The following SMG6 variants were observed in gnomAD, a reference collection of about 807,000 sequenced individuals.
SMG6 encodes telomerase-binding protein EST1A.
In SMG6, 66 loss-of-function variants were observed where a neutral mutation model predicts 142.2. That is an observed-to-expected ratio of 0.46 (90% CI 0.38 to 0.57). The LOEUF (loss-of-function observed/expected upper bound fraction) is 0.57. Ranked by LOEUF, SMG6 falls within the 20% of genes least tolerant of loss-of-function variation. The probability of loss-of-function intolerance (pLI) is 0.00; values close to 1 mark genes in which losing one functional copy is unlikely to be tolerated. For synonymous variants in SMG6, 779 were observed against 702.4 expected, an observed-to-expected ratio of 1.11 and a Z score of -1.72; for missense variants, 1,793 against 1,832.0, an observed-to-expected ratio of 0.98 and a Z score of 0.39.
chr17:2,297,869 C>T lies in SMG6; in HGVS notation c.2034G>A (p.Leu678=). The T allele has an allele frequency of 6.2e-7, 1 of 1,609,834 alleles. No homozygotes were observed. Among genetic ancestry groups the T allele is most frequent in the Non-Finnish European group, 8.5e-7 (1 of 1,179,932 alleles). Residue 678 remains leucine (L), a synonymous_variant, in exon 3 of 19, where the codon TTG becomes TTA. Transcript: ENST00000263073. ...EQIRNRLLEL[L]DEGSDFFDSL... ...CAAAAAGATGACAGTTTACCTCATC[C>T]AAGAGCTCCAAAAGTCTGTTCCGAA... is the stretch of plus-strand genomic sequence containing the variant.
At chr17:2,087,289 C>A in intron 13 of SMG6, 4 of 1,267,116 alleles carry the variant, frequency 3.2e-6, no homozygotes, top group Non-Finnish European at 4.1e-6. Context: ...GCAGGCATGA[C>A]CCATGTTCTC....
Position 2,299,094 on chromosome 17 carries a change from C to A in SMG6, c.1659G>T (p.Gln553His), listed in dbSNP as rs766076562. The A allele has an allele frequency of 6.2e-7, 1 of 1,614,072 alleles. No homozygotes were observed. Among genetic ancestry groups the A allele is most frequent in the Non-Finnish European group, 8.5e-7 (1 of 1,180,036 alleles). ...TGGTAGGTAGAGGGCTACACACATA[C>A]TGTCCTGACGGAGTCGGGTAGCCTG... ...YYPGYPTPSG[Q>H]YVCSPLPTST... Residue 553 changes from glutamine to histidine, a missense_variant, in exon 2 of 19, where the codon CAG (glutamine) becomes CAT (histidine). Coordinates refer to ENST00000263073, the MANE Select transcript of SMG6 (RefSeq NM_017575.5). This position sits in a 1 kb window ranked among gnomAD's most constrained non-coding sequence, Gnocchi z 4.3.
chr17:2,173,664 G>T (rs538364005), intron 12 of SMG6, among the ~76,000 whole-genome samples: 2 of 152,222 alleles, frequency 1.3e-5, no homozygotes, highest in Admixed American at 6.5e-5. Context: ...TCCTAATTGC[G>T]TATCACCAGG....
rs757778410 is a variant in SMG6, at chr17:2,299,498, C to G, written c.1255G>C (p.Val419Leu). The change falls in exon 2 of 19, where the codon GTC (valine) becomes CTC (leucine). Residue 419 changes from valine to leucine, a missense_variant. Transcript: ENST00000263073. This position sits in a 1 kb window ranked among gnomAD's most constrained non-coding sequence, Gnocchi z 4.3. ...LILPAHTTLSVNSAGSPESAP... is the reference protein window; with the variant it reads ...LILPAHTTLSLNSAGSPESAP... ...GACTCTGGAGAACCTGCTGAATTGACAGATAGGGTGGTATGGGCAGGCAAA... is the reference window on the plus strand; with the variant it reads ...GACTCTGGAGAACCTGCTGAATTGAGAGATAGGGTGGTATGGGCAGGCAAA... 6.2e-7 allele frequency: 1 copy of G among 1,614,040 alleles called. No homozygotes were observed.
intron 13 of SMG6, among the ~76,000 whole-genome samples, chr17:2,123,812 T>C (rs911827477): frequency 2.0e-5 from 3 of 152,194 alleles, no homozygotes; most frequent in Non-Finnish European, 4.4e-5. Flanking sequence ...CTGGTTTTTG[T>C]TGGGGGAAGG....
intron 13 of SMG6, among the ~76,000 whole-genome samples, chr17:2,133,252 A>G (rs2070184221): frequency 6.6e-6 from 1 of 152,124 alleles, no homozygotes; most frequent in South Asian, 2.1e-4. Flanking sequence ...TGGGGGGGAA[A>G]AAAAAGTTTA....
At chr17:2,176,128 A>G (rs1305293684) in intron 12 of SMG6, among the ~76,000 whole-genome samples, 3 of 152,260 alleles carry the variant, frequency 2.0e-5, no homozygotes, top group Non-Finnish European at 4.4e-5. Flanking sequence ...GAAGCTGGGC[A>G]ACATCACCTC....
At chr17:2,118,185 G>A (rs944720376) in intron 13 of SMG6, among the ~76,000 whole-genome samples, 1 of 152,088 alleles carries the variant, frequency 6.6e-6, no homozygotes, top group African/African-American at 2.4e-5. Flanking sequence ...TGAGGCTGCA[G>A]TGAGTCATCC....
chr17:2,148,883 A>G (rs1443506271), intron 13 of SMG6, among the ~76,000 whole-genome samples: 1 of 151,868 alleles, frequency 6.6e-6, no homozygotes, highest in Non-Finnish European at 1.5e-5. Flanking sequence ...TTCAGAGAGA[A>G]AGTAAATAGA....
At chr17:2,072,392 T>A (rs955358253) in intron 15 of SMG6, among the ~76,000 whole-genome samples, 2 of 152,082 alleles carry the variant, frequency 1.3e-5, no homozygotes, top group Non-Finnish European at 2.9e-5. Flanking sequence ...CAAGTTGGCA[T>A]AAAATGTGGA....
intron 18 of SMG6, among the ~76,000 whole-genome samples, chr17:2,064,142 C>T (rs1469420072): frequency 6.6e-6 from 1 of 152,048 alleles, no homozygotes; most frequent in Non-Finnish European, 1.5e-5. Flanking sequence ...GAAACACGCA[C>T]AGAAAGGAGA....
At chr17:2,183,884 G>T (rs1270626535) in intron 12 of SMG6, among the ~76,000 whole-genome samples, 1 of 151,944 alleles carries the variant, frequency 6.6e-6, no homozygotes, top group Non-Finnish European at 1.5e-5. Context: ...TAGGTAAAAG[G>T]CAAGGCAGGC....
At chr17:2,063,739 G>A (rs1473378384) in intron 18 of SMG6, among the ~76,000 whole-genome samples, 1 of 152,236 alleles carries the variant, frequency 6.6e-6, no homozygotes, top group Non-Finnish European at 1.5e-5. Context: ...GATTTGGGAG[G>A]GAGAGGCTTG....
chr17:2,285,341 C>T (rs181043948), intron 6 of SMG6, among the ~76,000 whole-genome samples: 3 of 151,882 alleles, frequency 2.0e-5, no homozygotes, highest in African/African-American at 7.2e-5. Flanking sequence ...TAAGATGAGA[C>T]AGACAGAAAA....
chr17:2,282,547 T>C, intron 8 of SMG6, 100 bp downstream of exon 8: 11 of 1,194,286 alleles, frequency 9.2e-6, no homozygotes, highest in Non-Finnish European at 1.4e-5. Flanking sequence ...TTGTCTTCCT[T>C]GCAATCAGTG....
chr17:2,091,769 C>A (rs1406052933), intron 13 of SMG6, among the ~76,000 whole-genome samples: 1 of 150,766 alleles, frequency 6.6e-6, no homozygotes, highest in Non-Finnish European at 1.5e-5. Flanking sequence ...CTCCCGCGTT[C>A]ACGCCATTCT....
chr17:2,292,097 C>A (rs1196530559), intron 6 of SMG6, among the ~76,000 whole-genome samples: 2 of 151,940 alleles, frequency 1.3e-5, no homozygotes, highest in African/African-American at 4.8e-5. Flanking sequence ...TAAGGAGGCA[C>A]CTCAGATAAA....
At chr17:2,200,235 GTTTTT>G (rs756969625) in intron 10 of SMG6, among the ~76,000 whole-genome samples, 1 of 151,488 alleles carries the variant, frequency 6.6e-6, no homozygotes, top group Non-Finnish European at 1.5e-5. Context: ...AAAACTTTTT[GTTTTT>G]TTTAAGTGCC....
chr17:2,245,590 G>A (rs760052106), intron 8 of SMG6, among the ~76,000 whole-genome samples: 2 of 152,250 alleles, frequency 1.3e-5, no homozygotes, highest in South Asian at 2.1e-4. Context: ...TTGCCATGTC[G>A]GCCAGGCTGG....
Sources: gnomAD v4.1 joint callset for allele counts (sites outside exome capture counted in the v4.1 genomes callset) on GRCh38, gnomAD v4.1.1 for gene constraint, Gnocchi (gnomAD v3.1) non-coding constraint, MANE v1.5 for transcripts, NCBI Gene and HGNC (gene_info 2026-07-23, HGNC 2026-07-21) for gene names.